CSTF1: variants seen among roughly 807,000 people sequenced by gnomAD.
CSTF1 encodes CF-1 50 kDa subunit.
CSTF1 carries 2 observed loss-of-function variants against 40.9 expected under a neutral mutation model. The ratio of observed to expected loss-of-function variants is 0.05; its 90% CI spans 0.02 to 0.15. The LOEUF (loss-of-function observed/expected upper bound fraction) is 0.15. Ranked by LOEUF, CSTF1 falls within the 10% of genes least tolerant of loss-of-function variation. CSTF1 has a pLI of 1.00. For missense variants in CSTF1, 279 were observed against 558.9 expected (o/e 0.50, Z 5.05); for synonymous variants, 218 against 207.2 (o/e 1.05, Z -0.45).
intron 1 of CSTF1, among the ~76,000 whole-genome samples, chr20:56,393,740 G>A (rs1987408424): frequency 6.6e-6 from 1 of 152,066 alleles, no homozygotes; most frequent in Non-Finnish European, 1.5e-5. Context: ...AGACAGAATA[G>A]GTGATCTTCT....
At position 56,398,957 on chromosome 20, in the gene CSTF1, G is replaced by A; in HGVS notation, c.646-10G>A. ...GTTGGTCACTTGTATTAATGTCTCTGTCCCAACAGGAAGCTGAAATGTTAC... is the reference window on the plus strand; with the variant it reads ...GTTGGTCACTTGTATTAATGTCTCTATCCCAACAGGAAGCTGAAATGTTAC... On this transcript the variant is annotated splice_polypyrimidine_tract_variant and intron_variant, in intron 4 of 5. Transcript: ENST00000217109. 1.3e-6 allele frequency: 2 copies of A among 1,590,004 alleles called. No homozygotes were observed. Among genetic ancestry groups the A allele is most frequent in the Middle Eastern group, 1.7e-4 (1 of 5,914 alleles).
At position 56,399,106 on chromosome 20, in the gene CSTF1, C is replaced by G; in HGVS notation, c.785C>G (p.Thr262Ser). The G allele has an allele frequency of 6.2e-7, 1 of 1,614,196 alleles. No homozygotes were observed. Among genetic ancestry groups the G allele is most frequent in the South Asian group, 1.1e-5 (1 of 91,088 alleles). ...FVSCNPQDQH[T>S]DAICSVNYNS... Reference sequence around the variant, plus strand: ...TCTTGCAATCCTCAAGATCAACACACCGATGCTATATGTTCCGTTAATTAC... The same window carrying G: ...TCTTGCAATCCTCAAGATCAACACAGCGATGCTATATGTTCCGTTAATTAC... Residue 262 changes from threonine to serine, a missense_variant, in exon 5 of 6, where the codon ACC becomes AGC. Physicochemically the swap from Thr to Ser is moderately conservative, Grantham distance 58. This residue lies in a region of CSTF1 where 162 missense variants were observed against 337.1 expected (regional missense o/e 0.48). Coordinates refer to ENST00000217109, the MANE Select transcript of CSTF1 (RefSeq NM_001324.3). The surrounding 1 kb of genome is among the most constrained non-coding windows in gnomAD (Gnocchi z 4.6).
At position 56,405,505 on chromosome 20, in the gene CSTF1, G is replaced by A. The variant is rs778904970; in HGVS notation, c.*1778G>A. 4 of 152,286 alleles carry A rather than the reference G, an allele frequency of 2.6e-5. No individual in the cohort carries two copies. The South Asian group carries it at 6.2e-4, about 24-fold the overall frequency. 9.4% of individuals were successfully genotyped at this position (152,286 alleles called of 1,614,324 possible). A position where few individuals can be genotyped will look rare whatever the true frequency, so the allele number is the denominator to read the frequency against. The stretch of plus-strand genomic sequence containing the variant: ...ATTACAGGCGTGAGCCACCACGCGC[G>A]GCCCCATCATACGAAGTTACTGAAG... On this transcript the variant is annotated 3_prime_UTR_variant, in exon 6 of 6. Transcript: ENST00000217109.
intron 5 of CSTF1, among the ~76,000 whole-genome samples, chr20:56,400,841 C>A (rs1486828126): frequency 6.6e-6 from 1 of 152,092 alleles, no homozygotes; most frequent in African/African-American, 2.4e-5. Flanking sequence ...GAGTTTGAGA[C>A]CAGCCTGGCC....
chr20:56,404,812 A>ATTTTTGTTTTTTTTT lies in CSTF1; in HGVS notation c.*1090_*1091insGTTTTTTTTTTTTTT. 1 of 50,912 alleles carries ATTTTTGTTTTTTTTT rather than the reference A, an allele frequency of 2.0e-5. No individual in the cohort carries two copies. Among genetic ancestry groups the ATTTTTGTTTTTTTTT allele is most frequent in the Non-Finnish European group, 3.0e-5 (1 of 32,898 alleles). 3.2% of individuals were successfully genotyped at this position (50,912 alleles called of 1,614,324 possible). On this transcript the variant is annotated 3_prime_UTR_variant, in exon 6 of 6. Transcript: ENST00000217109. ...AGGCACCCACCACCACGCCCGGCTA[A>ATTTTTGTTTTTTTTT]TTTTTTTTTTTTTTTTTTTTTTTTT... is the stretch of plus-strand genomic sequence containing the variant.
rs1269800791 is a variant in CSTF1 at position 56,397,890 on chromosome 20, GC to G, written c.645+50del. The G allele has an allele frequency of 7.3e-7, 1 of 1,378,722 alleles. No homozygotes were observed. Among genetic ancestry groups the G allele is most frequent in the Non-Finnish European group, 1.0e-6 (1 of 976,184 alleles). 85.4% of individuals were successfully genotyped at this position (1,378,722 alleles called of 1,614,324 possible). A position where few individuals can be genotyped will look rare whatever the true frequency, so the allele number is the denominator to read the frequency against. ...TTACATTTTTTCTTAAATACAATGA[GC>G]TATTGTACAACTATTCTCTTTTTAA... On this transcript the variant is annotated intron_variant, in intron 4 of 5. Transcript: ENST00000217109. The surrounding 1 kb of genome is among the most constrained non-coding windows in gnomAD (Gnocchi z 4.4).
intron 5 of CSTF1, among the ~76,000 whole-genome samples, chr20:56,400,843 AG>A (rs1159555834): frequency 6.6e-6 from 1 of 152,148 alleles, no homozygotes; most frequent in African/African-American, 2.4e-5. Context: ...GTTTGAGACC[AG>A]CCTGGCCAAT....
Position 56,405,123 on chromosome 20 carries a change from T to C in CSTF1, c.*1396T>C, listed in dbSNP as rs1381126039. ...TGCATAGGAGTACCTAGAAATATAA[T>C]CTGGGATCATTTGATAAAAATAGTA... On this transcript the variant is annotated 3_prime_UTR_variant, in exon 6 of 6. Transcript: ENST00000217109. 2.6e-5 allele frequency: 4 copies of C among 152,110 alleles called. No homozygotes were observed. The highest frequency in any genetic ancestry group is 4.8e-5 in the African/African-American group (2 of 41,398). The allele number at this position is 152,110 out of a possible 1,614,324, so 9.4% of individuals were successfully genotyped here.
rs1182027165 is a variant in CSTF1, at chr20:56,400,579, A to T, written c.1036+1222A>T. Among the ~76,000 whole-genome samples the T allele has an allele frequency of 2.0e-5, 3 of 152,312 alleles. No individual in the cohort carries two copies. The East Asian group carries it at 5.8e-4, about 29-fold the overall frequency. On this transcript the variant is annotated intron_variant, in intron 5 of 5. Transcript: ENST00000217109. ...AGGAATGTTTTGGGTGTTTTATAATAGTATGAGGTTGATTGGCTTGTTTTA... is the reference window on the plus strand; with the variant it reads ...AGGAATGTTTTGGGTGTTTTATAATTGTATGAGGTTGATTGGCTTGTTTTA...
intron 4 of CSTF1, among the ~76,000 whole-genome samples, chr20:56,398,402 C>G (rs1978324362): frequency 6.6e-6 from 1 of 152,082 alleles, no homozygotes; most frequent in Admixed American, 6.5e-5. Flanking sequence ...GACCTCATCT[C>G]TACAAAAAAT....
intron 1 of CSTF1, 94 bp from the exon 2 acceptor site, chr20:56,395,427 G>A (rs1424374482): frequency 4.1e-6 from 3 of 732,862 alleles, no homozygotes; most frequent in East Asian, 2.8e-5. Flanking sequence ...TGGGATTTGA[G>A]TCCTGCAAGA....
intron 1 of CSTF1, among the ~76,000 whole-genome samples, chr20:56,394,934 C>T (rs954612699): frequency 1.3e-5 from 2 of 151,934 alleles, no homozygotes; most frequent in Non-Finnish European, 2.9e-5. Context: ...GCATTTAACT[C>T]GGTTGGAGTT....
At chr20:56,403,443 CT>C in intron 5 of CSTF1, 24 bp from the exon 6 acceptor site, 1 of 1,612,296 alleles carries the variant, frequency 6.2e-7, no homozygotes, top group South Asian at 1.1e-5. Context: ...ACTTAGAAAG[CT>C]ATCCCTCTTG....
In CSTF1 at chr20:56,398,987, C is replaced by T. The variant is rs139172063; in HGVS notation, c.666C>T (p.Ser222=). The change falls in exon 5 of 6, where the codon TCC becomes TCT. Residue 222 remains serine (S), a synonymous_variant. Transcript: ENST00000217109. ...AACAGGAAGCTGAAATGTTACGTTC[C>T]ATCTCTTTTCATCCTTCTGGAGACT... ...KYIQEAEMLR[S]ISFHPSGDFI... 9.9e-4 allele frequency: 1,589 copies of T among 1,610,072 alleles called. 14 individuals are homozygous for T. In the South Asian group the frequency reaches 9.9e-3, roughly 10 times the overall value.
chr20:56,402,061 C>A (rs1978473542), intron 5 of CSTF1, among the ~76,000 whole-genome samples: 1 of 152,338 alleles, frequency 6.6e-6, no homozygotes, highest in African/African-American at 2.4e-5. Flanking sequence ...TATCCCAGCA[C>A]TTTGGGAGGC....
At position 56,403,957 on chromosome 20, in the gene CSTF1, G is replaced by T; in HGVS notation, c.*230G>T. The T allele has an allele frequency of 2.1e-6, 1 of 471,626 alleles. No homozygotes were observed. Among genetic ancestry groups the T allele is most frequent in the Non-Finnish European group, 3.8e-6 (1 of 266,262 alleles). The allele number at this position is 471,626 out of a possible 1,614,324, so 29.2% of individuals were successfully genotyped here. A position where few individuals can be genotyped will look rare whatever the true frequency, so the allele number is the denominator to read the frequency against. On this transcript the variant is annotated 3_prime_UTR_variant, in exon 6 of 6. Transcript: ENST00000217109. ...TTCTACATTCACTGATTATTACAGT[G>T]TGATTTTCATCGGTTTTGTAAGTAC...
chr20:56,399,537 G>A lies in CSTF1; in HGVS notation c.1036+180G>A, dbSNP rs1355733919. On this transcript the variant is annotated intron_variant, in intron 5 of 5. Coordinates refer to ENST00000217109, the MANE Select transcript of CSTF1 (RefSeq NM_001324.3). This position sits in a 1 kb window ranked among gnomAD's most constrained non-coding sequence, Gnocchi z 4.6. Reference sequence around the variant, plus strand: ...TTAAGTCATTTAGCCAAGGCTACACGACTTGGAAATAGAACGGTGCTTTCT... The same window carrying A: ...TTAAGTCATTTAGCCAAGGCTACACAACTTGGAAATAGAACGGTGCTTTCT... 2.0e-5 allele frequency among the ~76,000 whole-genome samples: 3 copies of A among 152,178 alleles called. No individual in the cohort carries two copies. The highest frequency in any genetic ancestry group is 1.9e-4 in the East Asian group (1 of 5,202).
At chr20:56,396,948 C>G (rs964906501) in intron 2 of CSTF1, 13 of 421,592 alleles carry the variant, frequency 3.1e-5, no homozygotes, top group Admixed American at 8.1e-5. Context: ...GTAGTAAACT[C>G]TGGAGGCAAG....
At chr20:56,400,250 A>C (rs1978395611) in intron 5 of CSTF1, among the ~76,000 whole-genome samples, 1 of 152,192 alleles carries the variant, frequency 6.6e-6, no homozygotes, top group Non-Finnish European at 1.5e-5. Context: ...GTCTCATTGT[A>C]ACCAAAGTTC....
Sources: gnomAD v4.1 joint callset for allele counts (sites outside exome capture counted in the v4.1 genomes callset) on GRCh38, gnomAD v4.1.1 for gene constraint, gnomAD v4.1.1 regional missense constraint, Gnocchi (gnomAD v3.1) non-coding constraint, MANE v1.5 for transcripts, NCBI Gene and HGNC (gene_info 2026-07-23, HGNC 2026-07-21) for gene names.